Variants in SORBS2 observed in about 807,000 individuals in gnomAD.
The protein encoded by SORBS2 is sorbin and SH3 domain-containing protein 2.
In SORBS2, 46 loss-of-function variants were observed where a neutral mutation model predicts 97.7. The ratio of observed to expected loss-of-function variants is 0.47; its 90% CI spans 0.37 to 0.60. The LOEUF is 0.60. SORBS2 is among the 20% of genes least tolerant of loss of function. The probability of loss-of-function intolerance (pLI) is 0.00; values close to 1 mark genes in which losing one functional copy is unlikely to be tolerated. For synonymous variants in SORBS2, 476 were observed against 473.4 expected, an observed-to-expected ratio of 1.01 and a Z score of -0.07; for missense variants, 1,316 against 1,282.3, an observed-to-expected ratio of 1.03 and a Z score of -0.40.
At chr4:185,709,544 T>C (rs928248096) in intron 2 of SORBS2, among the ~76,000 whole-genome samples, 5 of 152,100 alleles carry the variant, frequency 3.3e-5, no homozygotes, top group Non-Finnish European at 7.4e-5. Flanking sequence ...ATATAAATTA[T>C]AGCATACATG....
In SORBS2 at chr4:185,620,170, C is replaced by T; in HGVS notation, c.2216-19G>A. ...TCACGGTCTATTGGAAAGAACAGGGCCAGTCATGGTGAGTATCCACTTAAT... is the reference window on the plus strand; with the variant it reads ...TCACGGTCTATTGGAAAGAACAGGGTCAGTCATGGTGAGTATCCACTTAAT... On this transcript the variant is annotated intron_variant, in intron 7 of 14. Coordinates refer to ENST00000418609, the Ensembl canonical transcript of SORBS2. The T allele has an allele frequency of 2.7e-6, 4 of 1,499,930 alleles. No homozygotes were observed. In the South Asian group the frequency reaches 4.5e-5, roughly 17 times the overall value. 92.9% of individuals were successfully genotyped at this position (1,499,930 alleles called of 1,614,324 possible). A position where few individuals can be genotyped will look rare whatever the true frequency, so the allele number is the denominator to read the frequency against.
intron 1 of SORBS2, among the ~76,000 whole-genome samples, chr4:185,895,707 A>G (rs952700280): frequency 6.6e-6 from 1 of 152,218 alleles, no homozygotes; most frequent in African/African-American, 2.4e-5. Flanking sequence ...CTTCTCTGAG[A>G]ACTTTGCCTC....
At position 185,591,754 on chromosome 4, in the gene SORBS2, C is replaced by T. The variant is rs58943864; in HGVS notation, c.2847-1969G>A. 5.3e-3 allele frequency among the ~76,000 whole-genome samples: 807 copies of T among 152,242 alleles called. 5 individuals carry two copies. The highest frequency in any genetic ancestry group is 0.018 in the African/African-American group (762 of 41,530). On this transcript the variant is annotated intron_variant, in intron 13 of 14. Coordinates refer to ENST00000418609, the Ensembl canonical transcript of SORBS2. ...CTCATCTCCACCCACTCATGGAGACCGGTTACCTAAGGCTGCAAACCTCAG... is the reference window on the plus strand; with the variant it reads ...CTCATCTCCACCCACTCATGGAGACTGGTTACCTAAGGCTGCAAACCTCAG...
At chr4:185,617,713 C>T (rs142235527) in intron 9 of SORBS2, among the ~76,000 whole-genome samples, 2 of 152,292 alleles carry the variant, frequency 1.3e-5, no homozygotes, top group African/African-American at 4.8e-5. Context: ...AACCACATGC[C>T]TATCTGCTGA....
At chr4:185,814,812 A>G (rs28427146) in intron 1 of SORBS2, among the ~76,000 whole-genome samples, 41,053 of 151,998 alleles carry the variant, frequency 0.27, 5,812 homozygotes, top group Middle Eastern at 0.38. Flanking sequence ...CTCTGCTGCC[A>G]GTCTGTTCTT....
intron 1 of SORBS2, among the ~76,000 whole-genome samples, chr4:185,946,072 A>G (rs924167586): frequency 6.6e-6 from 1 of 151,936 alleles, no homozygotes; most frequent in Admixed American, 6.6e-5. Flanking sequence ...AGTTACTAAC[A>G]TGAGGAAGTG....
In SORBS2 at chr4:185,616,397, T is replaced by G. The variant is rs73876131; in HGVS notation, c.2352-1238A>C. ...TAAAAACAAAGAAGATTCATGGAGC[T>G]TTACATTCAAATACAGTGCTTCCTT... On this transcript the variant is annotated intron_variant, in intron 9 of 14. Coordinates refer to ENST00000418609, the Ensembl canonical transcript of SORBS2. Among the ~76,000 whole-genome samples the G allele has an allele frequency of 9.3e-3, 1,419 of 152,326 alleles. 19 individuals are homozygous for G. Among genetic ancestry groups the G allele is most frequent in the African/African-American group, 0.033 (1,361 of 41,570 alleles).
At chr4:185,940,982 G>A (rs947895628) in intron 1 of SORBS2, among the ~76,000 whole-genome samples, 1 of 152,126 alleles carries the variant, frequency 6.6e-6, no homozygotes, top group African/African-American at 2.4e-5. Context: ...GTGAGTAGAG[G>A]CTAGGGATGC....
chr4:185,690,597 A>C, intron 2 of SORBS2: 1 of 1,495,078 alleles, frequency 6.7e-7, no homozygotes, highest in Admixed American at 2.0e-5. Flanking sequence ...TTTGTTATTA[A>C]AGTCTTCAGT....
chr4:185,873,027 A>G (rs2648107), intron 1 of SORBS2, among the ~76,000 whole-genome samples: 117,314 of 152,104 alleles, frequency 0.77, 45,394 homozygotes, highest in African/African-American at 0.83. Context: ...CAGAGAGCCT[A>G]GCATAGAGAG....
chr4:185,623,145 G>T lies in SORBS2; in HGVS notation c.1984C>A (p.His662Asn). Residue 662 changes from histidine (H) to asparagine (N), a missense_variant, in exon 7 of 15, where the codon CAC becomes AAC. His to Asn is a moderately conservative substitution (Grantham distance 68). Coordinates refer to ENST00000418609, the Ensembl canonical transcript of SORBS2. This position sits in a 1 kb window ranked among gnomAD's most constrained non-coding sequence, Gnocchi z 6.4. ...GGCAGCAGCTCACTGATGAGGCGGT[G>T]CAGGATGCTGTTGTCCGGCAAGCTC... 1 of 1,614,178 alleles carries T rather than the reference G, an allele frequency of 6.2e-7. No individual in the cohort carries two copies.
intron 2 of SORBS2, 92 bp from the exon 11 acceptor site, chr4:185,651,920 T>TAG: frequency 1.4e-6 from 1 of 733,440 alleles, no homozygotes; most frequent in South Asian, 1.6e-5. Flanking sequence ...AGAAATTTGT[T>TAG]AGAAAAGCAA....
intron 1 of SORBS2, among the ~76,000 whole-genome samples, chr4:185,895,616 A>G (rs975882006): frequency 1.3e-5 from 2 of 152,216 alleles, no homozygotes; most frequent in African/African-American, 4.8e-5. Context: ...GCTCAGAGTC[A>G]GGTCTCAGTG....
At chr4:185,680,414 A>C (rs2097852484) in intron 2 of SORBS2, among the ~76,000 whole-genome samples, 1 of 152,232 alleles carries the variant, frequency 6.6e-6, no homozygotes, top group Admixed American at 6.5e-5. Flanking sequence ...AGCAATCATC[A>C]GAATGCTGCT....
chr4:185,850,916 T>C (rs1261727876), intron 1 of SORBS2, among the ~76,000 whole-genome samples: 2 of 152,118 alleles, frequency 1.3e-5, no homozygotes, highest in Non-Finnish European at 2.9e-5. Context: ...CACACGAGGG[T>C]AAATTCACTC....
At chr4:185,863,680 G>A (rs1181030625) in intron 1 of SORBS2, among the ~76,000 whole-genome samples, 4 of 152,118 alleles carry the variant, frequency 2.6e-5, no homozygotes, top group African/African-American at 9.7e-5. Context: ...TGATTTCTAA[G>A]CAGACATACT....
At chr4:185,753,667 T>C (rs2098813993) in intron 2 of SORBS2, among the ~76,000 whole-genome samples, 1 of 152,244 alleles carries the variant, frequency 6.6e-6, no homozygotes, top group Admixed American at 6.5e-5. Flanking sequence ...GCAGAAATGT[T>C]TAAGCAGCAC....
At chr4:185,776,849 G>C (rs886841123) in intron 1 of SORBS2, among the ~76,000 whole-genome samples, 1 of 147,148 alleles carries the variant, frequency 6.8e-6, no homozygotes, top group South Asian at 2.2e-4. Flanking sequence ...GCGGTGAGCT[G>C]AGATCGCACC....
chr4:185,781,228 C>T (rs1016048717), intron 1 of SORBS2, among the ~76,000 whole-genome samples: 2 of 152,214 alleles, frequency 1.3e-5, no homozygotes, highest in Non-Finnish European at 2.9e-5. Flanking sequence ...TGAGCCACGG[C>T]GCCCAGCCTG....
Sources: gnomAD v4.1 joint callset for allele counts (sites outside exome capture counted in the v4.1 genomes callset) on GRCh38, gnomAD v4.1.1 for gene constraint, Gnocchi (gnomAD v3.1) non-coding constraint, MANE v1.5 for transcripts, NCBI Gene and HGNC (gene_info 2026-07-23, HGNC 2026-07-21) for gene names.